Variants in XG observed in about 807,000 individuals in gnomAD.
XG encodes the protein Xg glycoprotein (Xg blood group).
A neutral mutation model predicts 25.7 loss-of-function variants in XG; 24 were observed. That is an observed-to-expected ratio of 0.93 (90% CI 0.68 to 1.31). The LOEUF is 1.31. Among genes scored for constraint, XG ranks in the 40% most tolerant of loss-of-function variants. The pLI, the probability that XG is intolerant of heterozygous loss-of-function variation, is 0.00. For missense variants in XG, 181 were observed against 187.6 expected, an observed-to-expected ratio of 0.96 and a Z score of 0.21; for synonymous variants, 77 against 69.2, an observed-to-expected ratio of 1.11 and a Z score of -0.56.
At chrX:2,800,929 TAGC>T (rs1478415185) in intron 7 of XG, among the ~76,000 whole-genome samples, 1 of 92,334 alleles carries the variant, frequency 1.1e-5, no homozygotes, top group African/African-American at 4.4e-5. Context: ...TGAACCGTGA[TAGC>T]ACCACTACCT....
intron 3 of XG, among the ~76,000 whole-genome samples, chrX:2,778,443 G>A (rs1406399609): frequency 6.6e-6 from 1 of 152,118 alleles, no homozygotes; most frequent in African/African-American, 2.4e-5. Flanking sequence ...TACTCAGGAG[G>A]CTGAGGTGGG....
At position 2,764,175 on chromosome X, in the gene XG, C is replaced by T. The variant is rs187977997; in HGVS notation, c.62-6375C>T. 3.3e-3 allele frequency among the ~76,000 whole-genome samples: 496 copies of T among 152,254 alleles called. 2 individuals carry two copies. The highest frequency in any genetic ancestry group is 0.011 in the African/African-American group (453 of 41,536). On this transcript the variant is annotated intron_variant, in intron 1 of 10. Transcript: ENST00000644266. ...GCACCATGACAGTTTACAAATGCCACGGCAATGTCAGGAAGTTACCCTATA... is the reference window on the plus strand; with the variant it reads ...GCACCATGACAGTTTACAAATGCCATGGCAATGTCAGGAAGTTACCCTATA...
At chrX:2,802,135 A>T (rs1029518542) in intron 7 of XG, among the ~76,000 whole-genome samples, 2 of 111,154 alleles carry the variant, frequency 1.8e-5, no homozygotes, top group African/African-American at 6.6e-5. Context: ...ATTCCTTCTT[A>T]ACTCCTATAT....
At chrX:2,795,140 AT>A (rs1476000467) in intron 6 of XG, among the ~76,000 whole-genome samples, 1 of 108,451 alleles carries the variant, frequency 9.2e-6, no homozygotes, top group Non-Finnish European at 1.9e-5. Flanking sequence ...TCCTGACTTT[AT>A]ATATATCCTT....
At chrX:2,796,920 A>G (rs1351647750) in intron 6 of XG, among the ~76,000 whole-genome samples, 1 of 112,171 alleles carries the variant, frequency 8.9e-6, no homozygotes, top group East Asian at 2.8e-4. Context: ...TTTTGAAAGG[A>G]GAAGCTGAGA....
At position 2,786,260 on chromosome X, in the gene XG, C is replaced by CTTTTTTT. The variant is rs1179667048; in HGVS notation, c.191-3373_191-3367dup. On this transcript the variant is annotated intron_variant, in intron 4 of 10. Coordinates refer to ENST00000644266, the MANE Select transcript of XG (RefSeq NM_001141919.2). ...CCCCAGCAGCTCCTATCCATGTTGT[C>CTTTTTTT]TTTTTTTTTTTTTTTTTCAGACAGA... Among the ~76,000 whole-genome samples, 12 of 60,569 alleles carry CTTTTTTT rather than the reference C, an allele frequency of 2.0e-4. 3 individuals carry two copies. The highest frequency in any genetic ancestry group is 9.2e-4 in the South Asian group (1 of 1,085). 52.6% of individuals were successfully genotyped at this position (60,569 alleles called of 115,157 possible). A position where few individuals can be genotyped will look rare whatever the true frequency, so the allele number is the denominator to read the frequency against.
chrX:2,796,355 C>T (rs1192343385), intron 6 of XG, among the ~76,000 whole-genome samples: 1 of 108,546 alleles, frequency 9.2e-6, no homozygotes, highest in Non-Finnish European at 1.9e-5. Flanking sequence ...ATATAGCTTA[C>T]ATATGTTTCT....
intron 7 of XG, among the ~76,000 whole-genome samples, 166 bp from the exon 8 acceptor site, chrX:2,806,535 G>A (rs1898636944): frequency 1.8e-5 from 2 of 110,600 alleles, no homozygotes; most frequent in African/African-American, 6.6e-5. Flanking sequence ...AGTAAACAGG[G>A]GCCAGATGGC....
intron 4 of XG, among the ~76,000 whole-genome samples, chrX:2,784,057 G>C (rs1018722377): frequency 1.8e-5 from 2 of 111,584 alleles, no homozygotes; most frequent in African/African-American, 3.3e-5. Context: ...AGTTAAGCCA[G>C]CTAGTCTTTC....
chrX:2,802,654 C>T (rs767185855), intron 7 of XG, among the ~76,000 whole-genome samples: 2 of 108,612 alleles, frequency 1.8e-5, no homozygotes, highest in South Asian at 8.5e-4. Flanking sequence ...CGCTGAGCCG[C>T]ATTACCAGTC....
intron 1 of XG, among the ~76,000 whole-genome samples, chrX:2,767,113 T>C (rs1392126920): frequency 6.6e-6 from 1 of 152,060 alleles, no homozygotes; most frequent in Non-Finnish European, 1.5e-5. Flanking sequence ...TTCGTAAGCC[T>C]GAACCACGTG....
chrX:2,785,228 G>C (rs781388924), intron 4 of XG, among the ~76,000 whole-genome samples: 1 of 111,548 alleles, frequency 9.0e-6, no homozygotes, highest in African/African-American at 3.3e-5. Context: ...TTATGCCTCA[G>C]TCTGGCCCAG....
chrX:2,779,467 C>G (rs2051073253), intron 3 of XG, among the ~76,000 whole-genome samples: 1 of 152,014 alleles, frequency 6.6e-6, no homozygotes, highest in African/African-American at 2.4e-5. Context: ...AGAAGAGGCT[C>G]CTTACTGCTC....
intron 1 of XG, among the ~76,000 whole-genome samples, chrX:2,758,718 T>C (rs2050491220): frequency 6.6e-6 from 1 of 152,178 alleles, no homozygotes. Context: ...GGGATGCTGG[T>C]CAACACCCTG....
At chrX:2,804,664 G>T (rs1384845314) in intron 7 of XG, among the ~76,000 whole-genome samples, 3 of 111,886 alleles carry the variant, frequency 2.7e-5, no homozygotes, top group South Asian at 7.7e-4. Flanking sequence ...TACTCATCAG[G>T]TAGAAAGAAG....
chrX:2,812,013 GAAAC>G (rs957829692), intron 10 of XG, among the ~76,000 whole-genome samples: 15 of 111,832 alleles, frequency 1.3e-4, no homozygotes, highest in South Asian at 1.1e-3. Context: ...GAAAGAAAAA[GAAAC>G]AAACAAACAA....
At chrX:2,763,496 G>A (rs2050610239) in intron 1 of XG, among the ~76,000 whole-genome samples, 2 of 151,992 alleles carry the variant, frequency 1.3e-5, no homozygotes, top group South Asian at 2.1e-4. Context: ...GGGGGTGGAA[G>A]GGGGGTGAGG....
In XG at chrX:2,811,499, T is replaced by A. The variant is rs866806612; in HGVS notation, c.571+47T>A. ...GTTTTGCTTGTTACTAAGCCTGATTTAAAAAAAAAAATTACTTTCAGATGT... is the reference window on the plus strand; with the variant it reads ...GTTTTGCTTGTTACTAAGCCTGATTAAAAAAAAAAAATTACTTTCAGATGT... On this transcript the variant is annotated intron_variant, in intron 10 of 10. Transcript: ENST00000644266. 6.3e-4 allele frequency: 419 copies of A among 662,160 alleles called. 1 individual carries two copies. The African/African-American group carries it at 6.8e-3, about 11-fold the overall frequency. The allele number at this position is 662,160 out of a possible 1,213,427, so 54.6% of individuals were successfully genotyped here.
At chrX:2,809,590 C>T (rs2087035079) in intron 9 of XG, among the ~76,000 whole-genome samples, 1 of 112,047 alleles carries the variant, frequency 8.9e-6, no homozygotes, top group African/African-American at 3.2e-5. Flanking sequence ...CACAAAAAAC[C>T]CCAAAACTTA....
Sources: allele counts gnomAD v4.1 joint callset (sites outside exome capture counted in the v4.1 genomes callset), GRCh38; gene constraint gnomAD v4.1.1; transcripts MANE v1.5; gene names NCBI Gene and HGNC (gene_info 2026-07-23, HGNC 2026-07-21).